Variants in ATG2A observed in about 807,000 individuals in gnomAD.
ATG2A encodes the protein autophagy-related protein 2 homolog A.
Under a neutral mutation model 214.2 loss-of-function variants are expected in ATG2A, and 103 were observed. The observed-to-expected ratio is 0.48, with a 90% confidence interval of 0.41 to 0.57. The LOEUF (loss-of-function observed/expected upper bound fraction) is 0.57, where lower values mean the gene tolerates loss of function less well. ATG2A is among the 20% of genes least tolerant of loss of function. ATG2A has a pLI of 0.00. For synonymous variants in ATG2A, 1,160 were observed against 1,142.1 expected (o/e 1.02, Z -0.32); for missense variants, 2,312 against 2,613.2 (o/e 0.88, Z 2.51).
In ATG2A at chr11:64,906,403, G is replaced by C; in HGVS notation, c.3114C>G (p.Gly1038=). Residue 1038 remains glycine (G), a synonymous_variant, in exon 21 of 41, where the codon GGC becomes GGG. Transcript: ENST00000377264. ...VTERGASGRK[G]QGRGPHMLST... is the part of the protein sequence containing the mutation. Reference sequence around the variant, plus strand: ...ACAACATGTGGGGTCCCCGGCCCTGGCCCTTGCGGCCCGAGGCTCCCCGCT... The same window carrying C: ...ACAACATGTGGGGTCCCCGGCCCTGCCCCTTGCGGCCCGAGGCTCCCCGCT... The C allele has an allele frequency of 6.2e-7, 1 of 1,613,274 alleles. No individual in the cohort carries two copies. Among genetic ancestry groups the C allele is most frequent in the Non-Finnish European group, 8.5e-7 (1 of 1,179,986 alleles).
chr11:64,911,243 T>A lies in ATG2A; in HGVS notation c.1261A>T (p.Met421Leu). ...ATCTTCAGCAGCGAGTCAGGGCGCA[T>A]GGTGTCCAGGAGGGGGTTGGGGGCC... ...KMAPNPLLDT[M>L]RPDSLLKMTL... Residue 421 changes from methionine (M) to leucine (L), a missense_variant, in exon 10 of 41, where the codon ATG (methionine) becomes TTG (leucine). Physicochemically the swap from Met to Leu is conservative, Grantham distance 15. Coordinates refer to ENST00000377264, the MANE Select transcript of ATG2A (RefSeq NM_015104.3). The A allele has an allele frequency of 6.2e-7, 1 of 1,613,872 alleles. No homozygotes were observed. The highest frequency in any genetic ancestry group is 8.5e-7 in the Non-Finnish European group (1 of 1,180,010).
rs1044050283 is a variant in ATG2A, at chr11:64,895,548, G to A, written c.5428-106C>T. 1.9e-5 allele frequency: 25 copies of A among 1,302,662 alleles called. No individual in the cohort carries two copies. In the African/African-American group the frequency reaches 3.1e-4, roughly 16 times the overall value. The allele number at this position is 1,302,662 out of a possible 1,614,324, so 80.7% of individuals were successfully genotyped here. ...CCACCAGCCCTCAGCCTCCCTGCCT[G>A]TCACTGTGCTGGCCTAGGGGGTCCT... is the stretch of plus-strand genomic sequence containing the variant. On this transcript the variant is annotated intron_variant, in intron 39 of 40. Transcript: ENST00000377264. The surrounding 1 kb of genome is among the most constrained non-coding windows in gnomAD (Gnocchi z 5.0).
In ATG2A at chr11:64,913,713, C is replaced by T. The variant is rs1480433398; in HGVS notation, c.590+108G>A. On this transcript the variant is annotated intron_variant, in intron 4 of 40. Transcript: ENST00000377264. This position sits in a 1 kb window ranked among gnomAD's most constrained non-coding sequence, Gnocchi z 4.3. ...AACCCTACCACCACCGAGGCCCATCCAGATCCACCCTGCCTCTTCCCAGGA... is the reference window on the plus strand; with the variant it reads ...AACCCTACCACCACCGAGGCCCATCTAGATCCACCCTGCCTCTTCCCAGGA... 2.6e-6 allele frequency: 3 copies of T among 1,168,170 alleles called. No individual in the cohort carries two copies. Among genetic ancestry groups the T allele is most frequent in the Non-Finnish European group, 3.7e-6 (3 of 805,976 alleles). 72.4% of individuals were successfully genotyped at this position (1,168,170 alleles called of 1,614,324 possible). A position where few individuals can be genotyped will look rare whatever the true frequency, so the allele number is the denominator to read the frequency against.
In ATG2A at chr11:64,907,507, C is replaced by T. The variant is rs761849465; in HGVS notation, c.2647+18G>A. 3.7e-6 allele frequency: 6 copies of T among 1,612,414 alleles called. No homozygotes were observed. The highest frequency in any genetic ancestry group is 1.1e-5 in the South Asian group (1 of 90,786). ...CCTGGGGGTCCTCCCTCTAGCCCAG[C>T]GTTAGCACCTCTCATACCCAGCTTG... is the stretch of plus-strand genomic sequence containing the variant. On this transcript the variant is annotated intron_variant, in intron 18 of 40. Coordinates refer to ENST00000377264, the MANE Select transcript of ATG2A (RefSeq NM_015104.3).
At chr11:64,897,329 G>C in intron 37 of ATG2A, 83 bp downstream of exon 37, 3 of 1,481,682 alleles carry the variant, frequency 2.0e-6, no homozygotes, top group South Asian at 2.4e-5. Flanking sequence ...GTGATGACTT[G>C]GCCAAGGCCA....
chr11:64,904,560 TAA>T (rs1187974527), intron 24 of ATG2A, among the ~76,000 whole-genome samples: 1 of 151,620 alleles, frequency 6.6e-6, no homozygotes, highest in East Asian at 1.9e-4. Flanking sequence ...AAAAAATAAA[TAA>T]AAAAGTCTTT....
At chr11:64,912,270 G>T (rs1349778528) in intron 7 of ATG2A, 21 bp from the exon 8 acceptor site, 1 of 1,610,030 alleles carries the variant, frequency 6.2e-7, no homozygotes, top group Non-Finnish European at 8.5e-7. Context: ...GGAGACTTCA[G>T]TCTGGGCTGG....
chr11:64,910,127 C>G lies in ATG2A; in HGVS notation c.1776G>C (p.Gln592His). 6.2e-7 allele frequency: 1 copy of G among 1,612,090 alleles called. No individual in the cohort carries two copies. The highest frequency in any genetic ancestry group is 1.1e-5 in the South Asian group (1 of 91,036). ...CCAGGGCCCCCAGCTCCACGTCCGC[C>G]TGGAAGTTGGCCAGGTCCAGGGCCA... Reference protein sequence around the residue: ...SELALDLANFQADVELGALDR... With the variant: ...SELALDLANFHADVELGALDR... Residue 592 changes from glutamine (Q) to histidine (H), a missense_variant, in exon 13 of 41, where the codon CAG becomes CAC. Gln to His is a conservative substitution (Grantham distance 24). Transcript: ENST00000377264.
chr11:64,907,396 C>A lies in ATG2A; in HGVS notation c.2691G>T (p.Glu897Asp). 1 of 1,577,978 alleles carries A rather than the reference C, an allele frequency of 6.3e-7. No homozygotes were observed. Among genetic ancestry groups the A allele is most frequent in the Non-Finnish European group, 8.6e-7 (1 of 1,162,012 alleles). Residue 897 changes from glutamate to aspartate, a missense_variant, in exon 19 of 41, where the codon GAG becomes GAT. Glu to Asp is a conservative substitution (Grantham distance 45). Transcript: ENST00000377264. ...CCCCCACTGAGAAGAAGTGGGCATC[C>A]TCGTCATCCGAGTCCGAGTCTGGGG... ...DLTPDSDSDD[E>D]DAHFFSVGAS...
Position 64,914,064 on chromosome 11 carries a change from A to G in ATG2A, c.487+17T>C. ...CTGAAGGGCAGGAGACAGGGCGGCC[A>G]GGAGGGGCCTGCTCACCAGTCTCAA... On this transcript the variant is annotated intron_variant, in intron 3 of 40. Coordinates refer to ENST00000377264, the MANE Select transcript of ATG2A (RefSeq NM_015104.3). The G allele has an allele frequency of 1.3e-6, 2 of 1,536,360 alleles. No individual in the cohort carries two copies. Among genetic ancestry groups the G allele is most frequent in the South Asian group, 1.2e-5 (1 of 82,268 alleles).
Position 64,895,482 on chromosome 11 carries a change from G to A in ATG2A, c.5428-40C>T, listed in dbSNP as rs1251411606. On this transcript the variant is annotated intron_variant, in intron 39 of 40. Transcript: ENST00000377264. This position sits in a 1 kb window ranked among gnomAD's most constrained non-coding sequence, Gnocchi z 5.0. ...AGCACTGGATGAGGACAGCTGGCTG[G>A]GGCACACGTCAGCCCCAGGCCCCCA... 2 of 1,497,184 alleles carry A rather than the reference G, an allele frequency of 1.3e-6. No homozygotes were observed. Among genetic ancestry groups the A allele is most frequent in the Non-Finnish European group, 1.8e-6 (2 of 1,118,990 alleles). The allele number at this position is 1,497,184 out of a possible 1,614,324, so 92.7% of individuals were successfully genotyped here.
intron 26 of ATG2A, 85 bp from the exon 27 acceptor site, chr11:64,902,765 C>A: frequency 1.6e-6 from 2 of 1,275,360 alleles, no homozygotes; most frequent in Non-Finnish European, 2.2e-6. Context: ...GAGGGCACCG[C>A]AGTTCTGATC....
chr11:64,913,056 C>T lies in ATG2A; in HGVS notation c.807G>A (p.Glu269=). 3 of 1,563,700 alleles carry T rather than the reference C, an allele frequency of 1.9e-6. No homozygotes were observed. Among genetic ancestry groups the T allele is most frequent in the Non-Finnish European group, 2.6e-6 (3 of 1,153,646 alleles). The change falls in exon 6 of 41, where the codon GAG becomes GAA. Residue 269 remains glutamate (E), a synonymous_variant. Transcript: ENST00000377264. The surrounding 1 kb of genome is among the most constrained non-coding windows in gnomAD (Gnocchi z 4.3). ...GACCCACCTTGGGGCCAGGGAAGGC[C>T]TCATTTTGCTTCAACTTCACCATCA... is the stretch of plus-strand genomic sequence containing the variant. ...MELMVKLKQN[E]AFPGPKLEVA...
At chr11:64,907,222 G>A in intron 19 of ATG2A, 33 bp downstream of exon 19, 1 of 1,464,364 alleles carries the variant, frequency 6.8e-7, no homozygotes, top group Non-Finnish European at 9.0e-7. Flanking sequence ...GAGCTCTGAA[G>A]TTTGGGGCCC....
chr11:64,895,070 G>T lies in ATG2A; in HGVS notation c.5720C>A (p.Ala1907Asp). The T allele has an allele frequency of 6.2e-7, 1 of 1,612,984 alleles. No homozygotes were observed. ...VVKPLILATE[A>D]TSSLLGGMRN... The stretch of plus-strand genomic sequence containing the variant: ...CATGCCCCCGAGCAGGCTGGACGTG[G>T]CCTCCGTGGCCAGGATGAGCGGCTT... The change falls in exon 41 of 41, where the codon GCC (alanine) becomes GAC (aspartate). Residue 1907 changes from alanine (A) to aspartate (D), a missense_variant. By Grantham distance (126) the Ala-to-Asp change is moderately radical. Coordinates refer to ENST00000377264, the MANE Select transcript of ATG2A (RefSeq NM_015104.3). The surrounding 1 kb of genome is among the most constrained non-coding windows in gnomAD (Gnocchi z 5.0).
chr11:64,902,469 G>T, intron 27 of ATG2A, 47 bp downstream of exon 27: 1 of 1,531,356 alleles, frequency 6.5e-7, no homozygotes. Context: ...GCAGGGGAGG[G>T]GCCTGGCCGA....
chr11:64,901,994 A>T lies in ATG2A; in HGVS notation c.4087T>A (p.Cys1363Ser). The T allele has an allele frequency of 6.2e-7, 1 of 1,613,872 alleles. No individual in the cohort carries two copies. The highest frequency in any genetic ancestry group is 8.5e-7 in the Non-Finnish European group (1 of 1,180,022). The change falls in exon 29 of 41, where the codon TGC becomes AGC. Residue 1363 changes from cysteine (C) to serine (S), a missense_variant. By Grantham distance (112) the Cys-to-Ser change is moderately radical. Transcript: ENST00000377264. ...CCCAGGCCGGGAGCATCAAGGATGC[A>T]GAACTCATCACTGTCCAGGGTGTCT... ...DGDTLDSDEF[C>S]ILDAPGLGIP...
At chr11:64,897,039 TAGA>T in intron 37 of ATG2A, 170 bp from the exon 38 acceptor site, 1 of 889,792 alleles carries the variant, frequency 1.1e-6, no homozygotes, top group Non-Finnish European at 1.6e-6. Context: ...TTTTTTTTTT[TAGA>T]TGGAGTCTTG....
intron 29 of ATG2A, among the ~76,000 whole-genome samples, chr11:64,901,431 C>T (rs979623965): frequency 1.3e-5 from 2 of 152,156 alleles, no homozygotes; most frequent in East Asian, 3.9e-4. Flanking sequence ...AAGCAATTCT[C>T]CCACCTTGAC....
Sources: allele counts gnomAD v4.1 joint callset (sites outside exome capture counted in the v4.1 genomes callset), GRCh38; gene constraint gnomAD v4.1.1; non-coding constraint Gnocchi (gnomAD v3.1); transcripts MANE v1.5; gene names NCBI Gene and HGNC (gene_info 2026-07-23, HGNC 2026-07-21).